Variants in UBASH3B observed in about 807,000 individuals in gnomAD.
UBASH3B encodes the protein ubiquitin associated and SH3 domain containing B.
Under a neutral mutation model 83.4 loss-of-function variants are expected in UBASH3B, and 37 were observed. The observed-to-expected ratio is 0.44, with a 90% CI of 0.34 to 0.58. The LOEUF (loss-of-function observed/expected upper bound fraction) is 0.58. Ranked by LOEUF, UBASH3B falls within the 20% of genes least tolerant of loss-of-function variation. The probability of loss-of-function intolerance (pLI) is 0.01; values close to 1 mark genes in which losing one functional copy is unlikely to be tolerated. For missense variants in UBASH3B, 657 were observed against 827.2 expected, an observed-to-expected ratio of 0.79 and a Z score of 2.52; for synonymous variants, 304 against 318.3, an observed-to-expected ratio of 0.96 and a Z score of 0.48.
At chr11:122,798,769 C>T (rs1303921955) in intron 9 of UBASH3B, among the ~76,000 whole-genome samples, 173 bp from the exon 10 acceptor site, 5 of 151,716 alleles carry the variant, frequency 3.3e-5, no homozygotes, top group South Asian at 2.1e-4. Flanking sequence ...ATAGGAACGC[C>T]GATGAGGGGT....
chr11:122,667,980 A>T (rs1343286202), intron 1 of UBASH3B, among the ~76,000 whole-genome samples: 2 of 152,030 alleles, frequency 1.3e-5, no homozygotes, highest in Non-Finnish European at 2.9e-5. Flanking sequence ...ACCTAGAGAC[A>T]GCTTTCTTTT....
At chr11:122,668,074 C>G (rs954401205) in intron 1 of UBASH3B, among the ~76,000 whole-genome samples, 2 of 152,206 alleles carry the variant, frequency 1.3e-5, no homozygotes, top group African/African-American at 4.8e-5. Flanking sequence ...CAACCTCTGC[C>G]TCCCAGGTTC....
At chr11:122,703,312 A>G (rs981965596) in intron 1 of UBASH3B, among the ~76,000 whole-genome samples, 1 of 152,006 alleles carries the variant, frequency 6.6e-6, no homozygotes, top group Non-Finnish European at 1.5e-5. Context: ...CTGTAGTCCC[A>G]GCTACTCGGG....
chr11:122,786,582 G>A (rs993310632), intron 5 of UBASH3B, among the ~76,000 whole-genome samples: 7 of 152,206 alleles, frequency 4.6e-5, no homozygotes, highest in Non-Finnish European at 8.8e-5. Flanking sequence ...TCTTGAATCC[G>A]GGAGGCAGAG....
chr11:122,804,951 C>T (rs1231837422), intron 11 of UBASH3B, among the ~76,000 whole-genome samples: 1 of 152,150 alleles, frequency 6.6e-6, no homozygotes, highest in Non-Finnish European at 1.5e-5. Flanking sequence ...GAGGCAGGCC[C>T]CAAGGGCATT....
At chr11:122,690,815 C>T (rs954594887) in intron 1 of UBASH3B, among the ~76,000 whole-genome samples, 2 of 152,176 alleles carry the variant, frequency 1.3e-5, no homozygotes, top group Non-Finnish European at 2.9e-5. Flanking sequence ...AGAGGATTCT[C>T]CTTAGGGTAC....
At chr11:122,704,065 G>A (rs905165073) in intron 1 of UBASH3B, among the ~76,000 whole-genome samples, 2 of 152,186 alleles carry the variant, frequency 1.3e-5, no homozygotes, top group Non-Finnish European at 2.9e-5. Flanking sequence ...CTGCGGCGGT[G>A]GGGCTTTTGT....
chr11:122,665,339 G>A (rs1178082441), intron 1 of UBASH3B, among the ~76,000 whole-genome samples: 1 of 152,134 alleles, frequency 6.6e-6, no homozygotes. Flanking sequence ...CACCACACCT[G>A]GATAATTTTA....
chr11:122,806,394 C>A lies in UBASH3B; in HGVS notation c.1596-16C>A. The stretch of plus-strand genomic sequence containing the variant: ...TCAAAATGTTTTCATTTCCTTTGTT[C>A]ATTTTTCTATTACAGACCTCACATT... On this transcript the variant is annotated splice_polypyrimidine_tract_variant and intron_variant, in intron 11 of 13. Coordinates refer to ENST00000284273, the MANE Select transcript of UBASH3B (RefSeq NM_032873.5). This position sits in a 1 kb window ranked among gnomAD's most constrained non-coding sequence, Gnocchi z 4.0. 6.3e-7 allele frequency: 1 copy of A among 1,584,516 alleles called. No homozygotes were observed. Among genetic ancestry groups the A allele is most frequent in the South Asian group, 1.2e-5 (1 of 84,126 alleles).
chr11:122,709,234 G>A (rs1455628247), intron 1 of UBASH3B: 3 of 152,156 alleles, frequency 2.0e-5, no homozygotes, highest in South Asian at 2.1e-4. Flanking sequence ...AGAGCAAGGC[G>A]AGACCCTGTC....
intron 1 of UBASH3B, among the ~76,000 whole-genome samples, chr11:122,698,516 G>C (rs1462335612): frequency 6.6e-6 from 1 of 152,186 alleles, no homozygotes; most frequent in Non-Finnish European, 1.5e-5. Flanking sequence ...CAAGAAGATG[G>C]ATGCATTATG....
intron 11 of UBASH3B, among the ~76,000 whole-genome samples, chr11:122,804,911 T>A (rs569150115): frequency 6.6e-6 from 1 of 152,260 alleles, no homozygotes; most frequent in Admixed American, 6.5e-5. Flanking sequence ...ATAGAAACTC[T>A]ACATAGTTAA....
In UBASH3B at chr11:122,806,320, A is replaced by G; in HGVS notation, c.1596-90A>G. 8.9e-7 allele frequency: 1 copy of G among 1,126,740 alleles called. No individual in the cohort carries two copies. The highest frequency in any genetic ancestry group is 1.3e-6 in the Non-Finnish European group (1 of 776,882). 69.8% of individuals were successfully genotyped at this position (1,126,740 alleles called of 1,614,324 possible). A position where few individuals can be genotyped will look rare whatever the true frequency, so the allele number is the denominator to read the frequency against. On this transcript the variant is annotated intron_variant, in intron 11 of 13. Transcript: ENST00000284273. The surrounding 1 kb of genome is among the most constrained non-coding windows in gnomAD (Gnocchi z 4.0). Reference sequence around the variant, plus strand: ...ACAAACAGATCTACGGGATCTTTAGAAATGCCTTGAAATAAAAGTTTAGAG... The same window carrying G: ...ACAAACAGATCTACGGGATCTTTAGGAATGCCTTGAAATAAAAGTTTAGAG...
At chr11:122,661,616 G>A (rs1305363183) in intron 1 of UBASH3B, among the ~76,000 whole-genome samples, 8 of 152,256 alleles carry the variant, frequency 5.3e-5, no homozygotes, top group Non-Finnish European at 8.8e-5. Context: ...CACATAACAC[G>A]CCCTTCTATC....
chr11:122,794,761 T>C lies in UBASH3B; in HGVS notation c.1040T>C (p.Leu347Ser). The part of the protein sequence containing the change: ...SNSLTFGDGV[L>S]ERRPYEDQGL... ...TCTCTCACGTTTGGGGATGGAGTAT[T>C]GGAGAGGCGGCCTTATGAGGACCAG... Residue 347 changes from leucine (L) to serine (S), a missense_variant, in exon 7 of 14, where the codon TTG (leucine) becomes TCG (serine). This residue lies in a region of UBASH3B where 573 missense variants were observed against 739.0 expected (regional missense o/e 0.78). Transcript: ENST00000284273. The C allele has an allele frequency of 3.1e-6, 5 of 1,614,156 alleles. No homozygotes were observed. The highest frequency in any genetic ancestry group is 4.2e-6 in the Non-Finnish European group (5 of 1,180,016).
intron 1 of UBASH3B, among the ~76,000 whole-genome samples, chr11:122,713,540 A>C (rs1431149922): frequency 6.6e-6 from 1 of 152,162 alleles, no homozygotes. Flanking sequence ...TTTGTCCAAA[A>C]AGATAAGCTT....
At chr11:122,707,567 C>T (rs1450549427) in intron 1 of UBASH3B, among the ~76,000 whole-genome samples, 1 of 152,028 alleles carries the variant, frequency 6.6e-6, no homozygotes, top group Non-Finnish European at 1.5e-5. Context: ...CATTACTAAC[C>T]ACAATGCCTG....
At position 122,796,158 on chromosome 11, in the gene UBASH3B, G is replaced by A. The variant is rs752840676; in HGVS notation, c.1116G>A (p.Pro372=). 3.6e-5 allele frequency: 58 copies of A among 1,613,790 alleles called. No individual in the cohort carries two copies. Among genetic ancestry groups the A allele is most frequent in the Non-Finnish European group, 4.7e-5 (55 of 1,179,896 alleles). ...TAATAGCCTTTCTTTCTCTGCAGCC[G>A]CTGAGGGTCAACAGCCAGCCCGGCC... ...PLTIICQPMQ[P]LRVNSQPGPQ... The change falls in exon 8 of 14, where the codon CCG becomes CCA. Residue 372 remains proline, a splice_region_variant and synonymous_variant. Transcript: ENST00000284273.
intron 3 of UBASH3B, among the ~76,000 whole-genome samples, chr11:122,777,958 C>T (rs570052173): frequency 3.6e-4 from 54 of 151,942 alleles, no homozygotes; most frequent in African/African-American, 1.3e-3. Context: ...TTGAACTCTT[C>T]ACCTCAAGTG....
Sources: gnomAD v4.1 joint callset for allele counts (sites outside exome capture counted in the v4.1 genomes callset) on GRCh38, gnomAD v4.1.1 for gene constraint, gnomAD v4.1.1 regional missense constraint, Gnocchi (gnomAD v3.1) non-coding constraint, MANE v1.5 for transcripts, NCBI Gene and HGNC (gene_info 2026-07-23, HGNC 2026-07-21) for gene names.